EMCN: variants seen among roughly 807,000 people sequenced by gnomAD.
The protein encoded by EMCN is MUC-14.
Under a neutral mutation model 38.4 loss-of-function variants are expected in EMCN, and 37 were observed. That is an observed-to-expected ratio of 0.96 (90% CI 0.74 to 1.27). The LOEUF is 1.27. Among genes scored for constraint, EMCN ranks in the 50% most tolerant of loss-of-function variants. EMCN has a pLI of 0.00. For missense variants in EMCN, 318 were observed against 302.8 expected, an observed-to-expected ratio of 1.05 and a Z score of -0.37; for synonymous variants, 95 against 100.8, an observed-to-expected ratio of 0.94 and a Z score of 0.35.
chr4:100,450,222 G>T (rs561633990), intron 4 of EMCN, among the ~76,000 whole-genome samples: 3 of 151,980 alleles, frequency 2.0e-5, no homozygotes, highest in African/African-American at 4.8e-5. Context: ...GTTTAGTAAG[G>T]ACCCAAAACT....
intron 1 of EMCN, among the ~76,000 whole-genome samples, chr4:100,486,630 C>T (rs888063037): frequency 6.6e-5 from 10 of 152,202 alleles, no homozygotes; most frequent in African/African-American, 2.4e-4. Context: ...GAGGAATCTC[C>T]TCAGGTTGCC....
chr4:100,469,959 A>G (rs6852970), intron 3 of EMCN, among the ~76,000 whole-genome samples: 296 of 152,084 alleles, frequency 1.9e-3, no homozygotes, highest in African/African-American at 6.2e-3. Flanking sequence ...TTAATAGACA[A>G]TACCATTTAG....
intron 1 of EMCN, among the ~76,000 whole-genome samples, chr4:100,503,023 ATTG>A (rs1273348585): frequency 1.3e-5 from 2 of 152,098 alleles, no homozygotes; most frequent in Admixed American, 1.3e-4. Flanking sequence ...CTTTTATAAT[ATTG>A]TTGTCAGGTT....
chr4:100,421,421 T>C, intron 7 of EMCN, 44 bp from the exon 8 acceptor site: 1 of 1,486,680 alleles, frequency 6.7e-7, no homozygotes, highest in Non-Finnish European at 9.4e-7. Flanking sequence ...GGCTACTGAA[T>C]TTCACAGCGA....
intron 1 of EMCN, among the ~76,000 whole-genome samples, chr4:100,510,133 C>T (rs1164596995): frequency 1.3e-5 from 2 of 152,166 alleles, no homozygotes; most frequent in Non-Finnish European, 2.9e-5. Flanking sequence ...CATATTCAAC[C>T]TCTCAGATTA....
At chr4:100,414,108 T>C (rs1045445160) in intron 10 of EMCN, among the ~76,000 whole-genome samples, 2 of 152,094 alleles carry the variant, frequency 1.3e-5, no homozygotes, top group Non-Finnish European at 2.9e-5. Flanking sequence ...AGAAAACTGA[T>C]CCCAGCACCC....
chr4:100,469,778 A>G (rs1177814820), intron 3 of EMCN, among the ~76,000 whole-genome samples: 1 of 151,960 alleles, frequency 6.6e-6, no homozygotes, highest in Non-Finnish European at 1.5e-5. Context: ...ATTCTGTTCC[A>G]TTTGTCTATG....
intron 5 of EMCN, among the ~76,000 whole-genome samples, chr4:100,443,505 A>G (rs1484610608): frequency 1.3e-5 from 2 of 152,184 alleles, no homozygotes; most frequent in African/African-American, 2.4e-5. Flanking sequence ...AGGCTTAACA[A>G]TTCTCCTGTT....
At chr4:100,432,879 CATG>C (rs1274616540) in intron 5 of EMCN, among the ~76,000 whole-genome samples, 1 of 151,934 alleles carries the variant, frequency 6.6e-6, no homozygotes, top group Non-Finnish European at 1.5e-5. Context: ...AGGTATACAA[CATG>C]ATATTATGAG....
intron 2 of EMCN, among the ~76,000 whole-genome samples, chr4:100,475,638 G>A (rs935273295): frequency 7.0e-6 from 1 of 142,832 alleles, no homozygotes; most frequent in African/African-American, 2.6e-5. Context: ...TTGCTCTTGA[G>A]GGCAGTATCC....
At chr4:100,467,475 G>A (rs533041299) in intron 3 of EMCN, among the ~76,000 whole-genome samples, 9 of 151,744 alleles carry the variant, frequency 5.9e-5, no homozygotes, top group Admixed American at 3.9e-4. Context: ...TCAGGAGATC[G>A]AGACCATCCT....
At chr4:100,416,066 T>C (rs960080546) in intron 9 of EMCN, 107 bp from the exon 10 acceptor site, 1 of 606,326 alleles carries the variant, frequency 1.6e-6, no homozygotes, top group Non-Finnish European at 2.9e-6. Context: ...TGCATATATA[T>C]ATATAATGTG....
intron 3 of EMCN, among the ~76,000 whole-genome samples, chr4:100,471,422 T>C (rs1238465434): frequency 6.6e-6 from 1 of 151,880 alleles, no homozygotes; most frequent in African/African-American, 2.4e-5. Context: ...AATAGATTTA[T>C]AATAAGTAAA....
At chr4:100,511,882 T>C (rs1178230634) in intron 1 of EMCN, among the ~76,000 whole-genome samples, 1 of 152,038 alleles carries the variant, frequency 6.6e-6, no homozygotes, top group Non-Finnish European at 1.5e-5. Flanking sequence ...ACAATGAAAC[T>C]GGAGCAGGAA....
rs143506000 is a variant in EMCN at position 100,455,148 on chromosome 4, C to A, written c.377-7577G>T. Among the ~76,000 whole-genome samples, 512 of 151,784 alleles carry A rather than the reference C, an allele frequency of 3.4e-3. 6 individuals carry two copies. Among genetic ancestry groups the A allele is most frequent in the African/African-American group, 0.012 (482 of 41,444 alleles). ...TTTATTGCCTTCTTTTGGATTGAGT[C>A]TTTTTTTAAGATTTTATTTATCTCC... On this transcript the variant is annotated intron_variant, in intron 4 of 11. Coordinates refer to ENST00000296420, the MANE Select transcript of EMCN (RefSeq NM_016242.4).
At chr4:100,475,807 A>G (rs1037674829) in intron 2 of EMCN, among the ~76,000 whole-genome samples, 3 of 151,060 alleles carry the variant, frequency 2.0e-5, no homozygotes, top group African/African-American at 4.9e-5. Flanking sequence ...CCTCCCGAGT[A>G]GATGGGACTA....
chr4:100,459,203 C>CA (rs1728104378), intron 4 of EMCN, among the ~76,000 whole-genome samples: 2 of 39,792 alleles, frequency 5.0e-5, no homozygotes, highest in African/African-American at 2.5e-4. Flanking sequence ...CTCTCTCTCT[C>CA]TCTCTCTCTC....
chr4:100,475,648 C>T (rs535927537), intron 2 of EMCN, among the ~76,000 whole-genome samples: 2 of 136,222 alleles, frequency 1.5e-5, no homozygotes, highest in South Asian at 4.7e-4. Flanking sequence ...GGGCAGTATC[C>T]AATTCTAGTC....
chr4:100,475,658 C>CATTTTTTTTTTTT lies in EMCN; in HGVS notation c.188-550_188-549insAAAAAAAAAAAAT, dbSNP rs1728617733. On this transcript the variant is annotated intron_variant, in intron 2 of 11. Transcript: ENST00000296420. ...CTTGAGGGCAGTATCCAATTCTAGTCCTTTTTTTTTTTTTTTTTTTTTTTT... is the reference window on the plus strand; with the variant it reads ...CTTGAGGGCAGTATCCAATTCTAGTCATTTTTTTTTTTTCTTTTTTTTTTTTTTTTTTTTTTTT... Among the ~76,000 whole-genome samples, 14 of 108,092 alleles carry CATTTTTTTTTTTT rather than the reference C, an allele frequency of 1.3e-4. 4 individuals are homozygous for CATTTTTTTTTTTT. The highest frequency in any genetic ancestry group is 1.5e-4 in the African/African-American group (4 of 27,062). The allele number at this position is 108,092 out of a possible 152,430, so 70.9% of individuals were successfully genotyped here.
Sources: allele counts gnomAD v4.1 joint callset (sites outside exome capture counted in the v4.1 genomes callset), GRCh38; gene constraint gnomAD v4.1.1; transcripts MANE v1.5; gene names NCBI Gene and HGNC (gene_info 2026-07-23, HGNC 2026-07-21).